The following DENND4C variants were observed in gnomAD, a reference collection of about 807,000 sequenced individuals.
The protein encoded by DENND4C is DENN domain containing 4C.
In DENND4C, 108 loss-of-function variants were observed where a neutral mutation model predicts 203.0. The ratio of observed to expected loss-of-function variants is 0.53; its 90% CI spans 0.46 to 0.62. The LOEUF (loss-of-function observed/expected upper bound fraction) is 0.62. Among genes scored for constraint, DENND4C ranks in the 20% least tolerant of loss-of-function variants. DENND4C has a pLI of 0.00. For synonymous variants in DENND4C, 871 were observed against 792.4 expected, an observed-to-expected ratio of 1.10 and a Z score of -1.67; for missense variants, 2,481 against 2,301.2, an observed-to-expected ratio of 1.08 and a Z score of -1.60.
chr9:19,282,715 C>CTTTTTTTTTTTTTTTTTTTTTT (rs1554717864), intron 2 of DENND4C, among the ~76,000 whole-genome samples: 18 of 86,664 alleles, frequency 2.1e-4, no homozygotes, highest in African/African-American at 8.0e-4. Flanking sequence ...TTTCTTCTCT[C>CTTTTTTTTTTTTTTTTTTTTTT]TTTTTTTTTT....
At chr9:19,258,661 G>GTTTTTTTTTTGT (rs1828588240) in intron 1 of DENND4C, among the ~76,000 whole-genome samples, 2 of 133,678 alleles carry the variant, frequency 1.5e-5, no homozygotes, top group African/African-American at 6.3e-5. Context: ...TAAATTTTAA[G>GTTTTTTTTTTGT]TTTTTTTTTT....
chr9:19,284,172 G>A (rs1834741152), intron 2 of DENND4C, among the ~76,000 whole-genome samples: 1 of 152,136 alleles, frequency 6.6e-6, no homozygotes, highest in Admixed American at 6.5e-5. Flanking sequence ...GGGAGCCAGT[G>A]TGCCTAGCCT....
chr9:19,263,535 T>G (rs1299121331), intron 1 of DENND4C, among the ~76,000 whole-genome samples: 1 of 152,010 alleles, frequency 6.6e-6, no homozygotes, highest in Non-Finnish European at 1.5e-5. Context: ...TTTTTTGTGT[T>G]TTTAGTAGAA....
At chr9:19,239,884 T>C (rs1003460021) in intron 1 of DENND4C, among the ~76,000 whole-genome samples, 3 of 152,214 alleles carry the variant, frequency 2.0e-5, no homozygotes, top group African/African-American at 7.2e-5. Context: ...ATGGTTTATC[T>C]TGCTGTTGTT....
At chr9:19,262,076 C>CTTTTTTTT (rs60223074) in intron 1 of DENND4C, among the ~76,000 whole-genome samples, 2 of 55,446 alleles carry the variant, frequency 3.6e-5, no homozygotes, top group African/African-American at 6.0e-5. Context: ...TTTATTAGTT[C>CTTTTTTTT]TTTTTTTTTT....
chr9:19,288,418 C>T (rs939420187), intron 3 of DENND4C, among the ~76,000 whole-genome samples, 178 bp from the exon 4 acceptor site: 1 of 152,176 alleles, frequency 6.6e-6, no homozygotes, highest in Non-Finnish European at 1.5e-5. Flanking sequence ...TTTTCTTACT[C>T]TCTTATTTTA....
rs932860396 is a variant in DENND4C, at chr9:19,359,631, A to G, written c.5161-613A>G. On this transcript the variant is annotated intron_variant, in intron 28 of 32. Coordinates refer to ENST00000434457, the MANE Select transcript of DENND4C (RefSeq NM_001330640.2). Reference sequence around the variant, plus strand: ...AAACTGTGGGTCCCTTTAGAGGGAAATGGTTTTGGAGACCACAGTCTAGGC... The same window carrying G: ...AAACTGTGGGTCCCTTTAGAGGGAAGTGGTTTTGGAGACCACAGTCTAGGC... 2.7e-4 allele frequency among the ~76,000 whole-genome samples: 41 copies of G among 151,386 alleles called. 1 individual carries two copies. The highest frequency in any genetic ancestry group is 9.3e-4 in the African/African-American group (38 of 40,696).
intron 5 of DENND4C, chr9:19,292,209 T>TA (rs1186060410): frequency 6.6e-6 from 1 of 150,816 alleles, no homozygotes; most frequent in Non-Finnish European, 1.5e-5. Context: ...TTTTTTTTTT[T>TA]AGTAGAGACA....
intron 1 of DENND4C, among the ~76,000 whole-genome samples, chr9:19,268,345 C>G (rs1260413528): frequency 6.6e-6 from 1 of 152,128 alleles, no homozygotes; most frequent in African/African-American, 2.4e-5. Context: ...AGCCATCTGC[C>G]TACCCCCACC....
rs188592615 is a variant in DENND4C at position 19,363,808 on chromosome 9, C to G, written c.5524+1845C>G. Among the ~76,000 whole-genome samples the G allele has an allele frequency of 1.2e-3, 190 of 152,004 alleles. 5 individuals carry two copies. Among genetic ancestry groups the G allele is most frequent in the Admixed American group, 0.011 (163 of 15,268 alleles). On this transcript the variant is annotated intron_variant, in intron 30 of 32. Transcript: ENST00000434457. The stretch of plus-strand genomic sequence containing the variant: ...GGTGGATCACTTGAGGTCAGGAGTT[C>G]AAGACCAGCCTAGCCAATATGGTGA...
chr9:19,361,201 A>G (rs896764552), intron 29 of DENND4C, among the ~76,000 whole-genome samples: 5 of 152,196 alleles, frequency 3.3e-5, no homozygotes, highest in Non-Finnish European at 7.3e-5. Context: ...CCCAGCTGCA[A>G]TTCTCACAAC....
At chr9:19,299,761 G>T (rs531790462) in intron 8 of DENND4C, among the ~76,000 whole-genome samples, 1 of 151,938 alleles carries the variant, frequency 6.6e-6, no homozygotes, top group African/African-American at 2.4e-5. Flanking sequence ...TTTTGAAAAC[G>T]CAAATATAAT....
chr9:19,341,059 G>A lies in DENND4C; in HGVS notation c.2949G>A (p.Val983=). The change falls in exon 21 of 33, where the codon GTG becomes GTA. Residue 983 remains valine, a synonymous_variant. Transcript: ENST00000434457. The part of the protein sequence containing the change: ...ELIKDDAEIH[V]PEEQAARELI... ...TAAAGGATGATGCAGAAATTCATGTGCCTGAAGAACAGGCAGCAAGAGAAT... is the reference window on the plus strand; with the variant it reads ...TAAAGGATGATGCAGAAATTCATGTACCTGAAGAACAGGCAGCAAGAGAAT... 1 of 1,613,162 alleles carries A rather than the reference G, an allele frequency of 6.2e-7. No homozygotes were observed. The highest frequency in any genetic ancestry group is 8.5e-7 in the Non-Finnish European group (1 of 1,179,560).
At chr9:19,266,886 C>G (rs1261927665) in intron 1 of DENND4C, among the ~76,000 whole-genome samples, 1 of 152,112 alleles carries the variant, frequency 6.6e-6, no homozygotes, top group Non-Finnish European at 1.5e-5. Context: ...AGAAGAAAAC[C>G]TAGGCAGTAC....
intron 30 of DENND4C, among the ~76,000 whole-genome samples, chr9:19,363,101 G>A (rs1826842837): frequency 1.3e-5 from 2 of 152,118 alleles, no homozygotes; most frequent in South Asian, 4.1e-4. Flanking sequence ...CCTCTCTTTG[G>A]CCTGTAGATG....
intron 2 of DENND4C, 93 bp downstream of exon 2, chr9:19,276,572 A>G: frequency 3.0e-6 from 2 of 675,046 alleles, no homozygotes; most frequent in Non-Finnish European, 2.1e-6. Context: ...TAGTTTTATT[A>G]TTACTGATAG....
rs1193523643 is a variant in DENND4C at position 19,345,849 on chromosome 9, AAAC to A, written c.3152-69_3152-67del. ...GTATATGTCACATTCATAATCAGGA[AAAC>A]AATAAATATTTTAATAAAAGTTAAC... On this transcript the variant is annotated intron_variant, in intron 22 of 32. Coordinates refer to ENST00000434457, the MANE Select transcript of DENND4C (RefSeq NM_001330640.2). The A allele has an allele frequency of 6.8e-6, 9 of 1,333,300 alleles. 1 individual carries two copies. In the African/African-American group the frequency reaches 1.2e-4, roughly 17 times the overall value. 82.6% of individuals were successfully genotyped at this position (1,333,300 alleles called of 1,614,324 possible). A position where few individuals can be genotyped will look rare whatever the true frequency, so the allele number is the denominator to read the frequency against.
intron 14 of DENND4C, 44 bp from the exon 15 acceptor site, chr9:19,326,020 C>T: frequency 6.2e-7 from 1 of 1,607,814 alleles, no homozygotes; most frequent in Non-Finnish European, 8.5e-7. Flanking sequence ...AGAATTAGAT[C>T]TTGTTTGTAT....
chr9:19,303,677 C>T (rs1009738673), intron 9 of DENND4C, among the ~76,000 whole-genome samples: 1 of 152,090 alleles, frequency 6.6e-6, no homozygotes, highest in East Asian at 1.9e-4. Context: ...AAATTCCAAT[C>T]CTGAATAACC....
Sources: gnomAD v4.1 joint callset for allele counts (sites outside exome capture counted in the v4.1 genomes callset) on GRCh38, gnomAD v4.1.1 for gene constraint, MANE v1.5 for transcripts, NCBI Gene and HGNC (gene_info 2026-07-23, HGNC 2026-07-21) for gene names.